MBOAT2: variants seen among roughly 807,000 people sequenced by gnomAD.
The protein encoded by MBOAT2 is membrane bound glycerophospholipid O-acyltransferase 2, also known as membrane-bound glycerophospholipid O-acyltransferase 2.
In MBOAT2, 28 loss-of-function variants were observed where a neutral mutation model predicts 63.4. That is an observed-to-expected ratio of 0.44 (90% CI 0.33 to 0.61). The LOEUF (loss-of-function observed/expected upper bound fraction) is 0.61, where lower values mean the gene tolerates loss of function less well. Among genes scored for constraint, MBOAT2 ranks in the 20% least tolerant of loss-of-function variants. MBOAT2 has a pLI of 0.03. For synonymous variants in MBOAT2, 211 were observed against 215.6 expected (o/e 0.98, Z 0.19); for missense variants, 470 against 605.8 (o/e 0.78, Z 2.35).
chr2:8,937,497 G>C (rs1168953487), intron 3 of MBOAT2, among the ~76,000 whole-genome samples: 1 of 152,170 alleles, frequency 6.6e-6, no homozygotes, highest in Non-Finnish European at 1.5e-5. Context: ...TAAGAACTGA[G>C]ATAGATTCTC....
intron 3 of MBOAT2, among the ~76,000 whole-genome samples, chr2:8,929,670 G>T (rs1667182687): frequency 6.6e-6 from 1 of 152,144 alleles, no homozygotes; most frequent in African/African-American, 2.4e-5. Context: ...ACATTTTATA[G>T]GAGGCATCAA....
intron 1 of MBOAT2, among the ~76,000 whole-genome samples, chr2:8,960,968 G>A (rs1042625704): frequency 6.6e-6 from 1 of 152,236 alleles, no homozygotes; most frequent in Non-Finnish European, 1.5e-5. Context: ...GATCATGGGA[G>A]ATGAGGCTGG....
chr2:8,956,821 A>G (rs1669262826), intron 2 of MBOAT2, among the ~76,000 whole-genome samples: 1 of 152,208 alleles, frequency 6.6e-6, no homozygotes, highest in Non-Finnish European at 1.5e-5. Context: ...AAGACTTCAC[A>G]GCAAGAGAAC....
At chr2:8,910,586 G>A (rs1318043489) in intron 3 of MBOAT2, among the ~76,000 whole-genome samples, 5 of 152,232 alleles carry the variant, frequency 3.3e-5, no homozygotes, top group Middle Eastern at 3.4e-3. Flanking sequence ...ATAAGAAGCC[G>A]TTTCTAAGAA....
Position 8,862,822 on chromosome 2 carries a change from T to C in MBOAT2, c.1053-100A>G. The C allele has an allele frequency of 7.1e-7, 1 of 1,400,060 alleles. No homozygotes were observed. The allele number at this position is 1,400,060 out of a possible 1,614,324, so 86.7% of individuals were successfully genotyped here. On this transcript the variant is annotated intron_variant, in intron 10 of 12. Transcript: ENST00000305997. This position sits in a 1 kb window ranked among gnomAD's most constrained non-coding sequence, Gnocchi z 4.3. ...TTTTATTACCTGACAGGATTTAGGG[T>C]AACTAGAAAAACAAATACAACTTAT...
At chr2:8,953,093 G>T (rs773850175) in intron 2 of MBOAT2, among the ~76,000 whole-genome samples, 22 of 152,098 alleles carry the variant, frequency 1.4e-4, no homozygotes, top group Admixed American at 9.2e-4. Context: ...GTTGTTTTTT[G>T]TGGTAGCAGG....
At chr2:8,992,160 T>C (rs1671956350) in intron 1 of MBOAT2, among the ~76,000 whole-genome samples, 1 of 152,246 alleles carries the variant, frequency 6.6e-6, no homozygotes, top group African/African-American at 2.4e-5. Context: ...TAGACCTTTA[T>C]TGCAGGTCTT....
rs1660866347 is a variant in MBOAT2 at position 8,853,052 on chromosome 2, CTCA to C, written c.*5624_*5626del. The C allele has an allele frequency of 6.6e-6, 1 of 152,188 alleles. No homozygotes were observed. The highest frequency in any genetic ancestry group is 1.5e-5 in the Non-Finnish European group (1 of 68,034). The allele number at this position is 152,188 out of a possible 1,614,324, so 9.4% of individuals were successfully genotyped here. A position where few individuals can be genotyped will look rare whatever the true frequency, so the allele number is the denominator to read the frequency against. ...TCTGGCTGCTGGAGTTGGGTCTCTC[CTCA>C]TGTTTGGGCGACTGAGGGCTCAACT... On this transcript the variant is annotated 3_prime_UTR_variant, in exon 13 of 13. Coordinates refer to ENST00000305997, the MANE Select transcript of MBOAT2 (RefSeq NM_138799.4).
Position 8,868,502 on chromosome 2 carries a change from C to T in MBOAT2, c.931G>A (p.Glu311Lys), listed in dbSNP as rs555195886. Residue 311 changes from glutamate to lysine, a missense_variant, in exon 9 of 13, where the codon GAA (glutamate) becomes AAA (lysine). Physicochemically the swap from Glu to Lys is moderately conservative, Grantham distance 56. Around this residue, in one of 3 missense-constraint regions of MBOAT2, gnomAD observed 376 missense variants for 503.8 expected, o/e 0.75. Transcript: ENST00000305997. ...AAGTCCCAGCGAGCTGCTCCATTTT[C>T]GTCATACCCTCTGAAACCAAAGCCT... ...AAGFGFRGYD[E>K]NGAARWDLIS... 1.5e-5 allele frequency: 25 copies of T among 1,614,028 alleles called. No homozygotes were observed. In the South Asian group the frequency reaches 2.1e-4, roughly 13 times the overall value.
intron 4 of MBOAT2, among the ~76,000 whole-genome samples, chr2:8,897,658 C>T (rs187270507): frequency 0.026 from 3,972 of 152,272 alleles, 183 homozygotes; most frequent in African/African-American, 0.09. Context: ...GCATAACCTG[C>T]CCTTCATATC....
At position 8,862,812 on chromosome 2, in the gene MBOAT2, G is replaced by C; in HGVS notation, c.1053-90C>G. 2.8e-6 allele frequency: 4 copies of C among 1,445,224 alleles called. No individual in the cohort carries two copies. The highest frequency in any genetic ancestry group is 3.7e-6 in the Non-Finnish European group (4 of 1,080,856). 89.5% of individuals were successfully genotyped at this position (1,445,224 alleles called of 1,614,324 possible). A position where few individuals can be genotyped will look rare whatever the true frequency, so the allele number is the denominator to read the frequency against. ...ATGATCATTCTTTTATTACCTGACA[G>C]GATTTAGGGTAACTAGAAAAACAAA... On this transcript the variant is annotated intron_variant, in intron 10 of 12. Coordinates refer to ENST00000305997, the MANE Select transcript of MBOAT2 (RefSeq NM_138799.4). This position sits in a 1 kb window ranked among gnomAD's most constrained non-coding sequence, Gnocchi z 4.3.
intron 4 of MBOAT2, among the ~76,000 whole-genome samples, chr2:8,888,445 C>T (rs1335233078): frequency 2.0e-5 from 3 of 152,156 alleles, no homozygotes; most frequent in South Asian, 4.1e-4. Context: ...GCTTTCTGCT[C>T]AGTACTTTCT....
At chr2:8,949,092 T>C (rs1048118265) in intron 2 of MBOAT2, among the ~76,000 whole-genome samples, 1 of 152,190 alleles carries the variant, frequency 6.6e-6, no homozygotes. Flanking sequence ...ATTAGTAATG[T>C]GCAGTAATTT....
intron 9 of MBOAT2, 101 bp downstream of exon 9, chr2:8,868,345 A>G: frequency 1.0e-6 from 1 of 960,120 alleles, no homozygotes; most frequent in Non-Finnish European, 1.6e-6. Context: ...TTAATATTAA[A>G]AAACCTTCAA....
At chr2:8,942,505 A>G (rs1368008093) in intron 3 of MBOAT2, among the ~76,000 whole-genome samples, 2 of 152,174 alleles carry the variant, frequency 1.3e-5, no homozygotes, top group Non-Finnish European at 2.9e-5. Flanking sequence ...ATCTCCTCTT[A>G]TATGTCTTAC....
chr2:8,928,969 A>G (rs1667123612), intron 3 of MBOAT2, among the ~76,000 whole-genome samples: 1 of 152,226 alleles, frequency 6.6e-6, no homozygotes, highest in African/African-American at 2.4e-5. Flanking sequence ...GAGGATGGTA[A>G]ATGACAGCAA....
chr2:8,987,963 C>T (rs1360499635), intron 1 of MBOAT2, among the ~76,000 whole-genome samples: 1 of 152,080 alleles, frequency 6.6e-6, no homozygotes, highest in East Asian at 1.9e-4. Flanking sequence ...GAGAAATATA[C>T]AAACTAAATT....
intron 6 of MBOAT2, 119 bp downstream of exon 6, chr2:8,882,392 G>A: frequency 1.0e-6 from 1 of 1,003,210 alleles, no homozygotes; most frequent in South Asian, 1.5e-5. Context: ...GAGAGAGTGA[G>A]GCTTGATTTT....
intron 3 of MBOAT2, among the ~76,000 whole-genome samples, chr2:8,933,741 C>T (rs1045598110): frequency 2.0e-5 from 3 of 152,148 alleles, no homozygotes; most frequent in African/African-American, 7.2e-5. Flanking sequence ...GAGCAATCTA[C>T]GTGAACTTCT....
Sources: gnomAD v4.1 joint callset for allele counts (sites outside exome capture counted in the v4.1 genomes callset) on GRCh38, gnomAD v4.1.1 for gene constraint, gnomAD v4.1.1 regional missense constraint, Gnocchi (gnomAD v3.1) non-coding constraint, MANE v1.5 for transcripts, NCBI Gene and HGNC (gene_info 2026-07-23, HGNC 2026-07-21) for gene names.